The following XYLB variants were observed in gnomAD, a reference collection of about 807,000 sequenced individuals.
XYLB encodes the protein xylulose kinase.
Under a neutral mutation model 78.7 loss-of-function variants are expected in XYLB, and 62 were observed. The ratio of observed to expected loss-of-function variants is 0.79; its 90% CI spans 0.64 to 0.97. XYLB has a LOEUF of 0.97. XYLB is among the 50% of genes least tolerant of loss of function. The pLI is 0.00. For missense variants in XYLB, 687 were observed against 676.8 expected (o/e 1.02, Z -0.17); for synonymous variants, 245 against 247.4 (o/e 0.99, Z 0.09).
the XYLB span, among the ~76,000 whole-genome samples, chr3:38,443,775 T>A: frequency 6.6e-6 from 1 of 152,244 alleles, no homozygotes; most frequent in Non-Finnish European, 1.5e-5. Context: ...GAGTGTATTT[T>A]CTTAAGGCCT....
the XYLB span, among the ~76,000 whole-genome samples, chr3:38,448,550 T>C: frequency 6.6e-6 from 1 of 152,240 alleles, no homozygotes; most frequent in Admixed American, 6.5e-5. Flanking sequence ...CTGCTTCTTT[T>C]GGGTCACATT....
the XYLB span, among the ~76,000 whole-genome samples, chr3:38,437,005 A>AAAGAAT: frequency 4.5e-5 from 6 of 134,806 alleles, no homozygotes; most frequent in East Asian, 4.2e-4. Context: ...CTCCTTCTAA[A>AAAGAAT]AATAATAATA....
At chr3:38,368,473 T>C (rs1046871356) in intron 8 of XYLB, among the ~76,000 whole-genome samples, 5 of 152,210 alleles carry the variant, frequency 3.3e-5, no homozygotes, top group African/African-American at 9.7e-5. Context: ...TCACCTAGTG[T>C]CTGAGAGTCA....
intron 18 of XYLB, among the ~76,000 whole-genome samples, chr3:38,406,519 G>T (rs1388387763): frequency 6.6e-6 from 1 of 152,220 alleles, no homozygotes. Context: ...ACCAGCAACG[G>T]AACAAAGCTG....
intron 18 of XYLB, among the ~76,000 whole-genome samples, chr3:38,406,518 G>T (rs952654290): frequency 6.6e-6 from 1 of 152,190 alleles, no homozygotes; most frequent in Non-Finnish European, 1.5e-5. Flanking sequence ...CACCAGCAAC[G>T]GAACAAAGCT....
At chr3:38,420,596 CTTAG>C (rs1436902656) in exon 18 of XYLB, among the ~76,000 whole-genome samples, 1 of 152,172 alleles carries the variant, frequency 6.6e-6, no homozygotes, top group Non-Finnish European at 1.5e-5. Context: ...GTGAAACCAT[CTTAG>C]TTAGATGTTT....
intron 18 of XYLB, among the ~76,000 whole-genome samples, chr3:38,410,515 G>A (rs889140440): frequency 3.4e-4 from 52 of 152,136 alleles, no homozygotes; most frequent in East Asian, 3.9e-4. Context: ...AATGGCAACA[G>A]AAGCCAAAAT....
intron 2 of XYLB, among the ~76,000 whole-genome samples, chr3:38,351,200 G>T (rs1484261051): frequency 1.2e-5 from 1 of 82,834 alleles, no homozygotes; most frequent in Admixed American, 1.4e-4. Flanking sequence ...AAAAAAAAAA[G>T]GAAGTCTGGA....
At chr3:38,374,870 A>G (rs929318446) in intron 11 of XYLB, among the ~76,000 whole-genome samples, 1 of 152,198 alleles carries the variant, frequency 6.6e-6, no homozygotes, top group Non-Finnish European at 1.5e-5. Context: ...TGGGAAAGTC[A>G]TATGGGGAAC....
rs567450759 is a variant in XYLB at position 38,406,054 on chromosome 3, G to A, written c.1533+5069G>A. Among the ~76,000 whole-genome samples, 7 of 152,342 alleles carry A rather than the reference G, an allele frequency of 4.6e-5. No homozygotes were observed. The East Asian group carries it at 1.4e-3, about 29-fold the overall frequency. ...GCAGTGGTTCTCCCAGCACACCTCTGGAGATCTGAGAATGGGCAGACTGCC... is the reference window on the plus strand; with the variant it reads ...GCAGTGGTTCTCCCAGCACACCTCTAGAGATCTGAGAATGGGCAGACTGCC... On this transcript the variant is annotated intron_variant, in intron 18 of 18. Coordinates refer to ENST00000207870, the MANE Select transcript of XYLB (RefSeq NM_005108.4).
chr3:38,429,246 G>GTCA, the XYLB span, among the ~76,000 whole-genome samples: 1 of 152,038 alleles, frequency 6.6e-6, no homozygotes, highest in African/African-American at 2.4e-5. Flanking sequence ...CCCTGCTTGT[G>GTCA]TCACCTTCCT....
At chr3:38,384,929 A>G (rs1707316626) in intron 15 of XYLB, among the ~76,000 whole-genome samples, 1 of 152,180 alleles carries the variant, frequency 6.6e-6, no homozygotes, top group African/African-American at 2.4e-5. Flanking sequence ...AATGACTGGC[A>G]TGAGGTCTGA....
chr3:38,347,467 C>T (rs1705131357), intron 1 of XYLB, among the ~76,000 whole-genome samples: 1 of 152,164 alleles, frequency 6.6e-6, no homozygotes, highest in Non-Finnish European at 1.5e-5. Flanking sequence ...CGCTTGAGCC[C>T]AGGAGTTCGA....
At chr3:38,380,614 T>G (rs906721423) in intron 15 of XYLB, among the ~76,000 whole-genome samples, 3 of 152,168 alleles carry the variant, frequency 2.0e-5, no homozygotes, top group Non-Finnish European at 4.4e-5. Context: ...GGGAAACCTC[T>G]TAGAAAACCT....
intron 15 of XYLB, among the ~76,000 whole-genome samples, chr3:38,382,957 G>T (rs1484329603): frequency 6.6e-6 from 1 of 152,204 alleles, no homozygotes; most frequent in Non-Finnish European, 1.5e-5. Flanking sequence ...CGCACGTGAG[G>T]ACTCATTCTC....
At position 38,413,814 on chromosome 3, in the gene XYLB, C is replaced by G. The variant is rs190355740; in HGVS notation, c.*801C>G. 4.6e-5 allele frequency: 7 copies of G among 152,276 alleles called. No individual in the cohort carries two copies. In the East Asian group the frequency reaches 1.4e-3, roughly 29 times the overall value. The allele number at this position is 152,276 out of a possible 1,614,324, so 9.4% of individuals were successfully genotyped here. On this transcript the variant is annotated 3_prime_UTR_variant, in exon 19 of 19. Coordinates refer to ENST00000207870, the MANE Select transcript of XYLB (RefSeq NM_005108.4). ...GTGGTGCAGTTTAGAACTTCTCTCCCTTTTTCTCCCTCATTCCCTCTCTCT... is the reference window on the plus strand; with the variant it reads ...GTGGTGCAGTTTAGAACTTCTCTCCGTTTTTCTCCCTCATTCCCTCTCTCT...
intron 15 of XYLB, among the ~76,000 whole-genome samples, chr3:38,393,404 C>G (rs1358979326): frequency 2.6e-5 from 4 of 152,216 alleles, no homozygotes; most frequent in African/African-American, 9.6e-5. Flanking sequence ...CCTTGGCCTC[C>G]CAAAGTGCTG....
intron 9 of XYLB, among the ~76,000 whole-genome samples, chr3:38,371,321 T>C (rs1415190583): frequency 6.6e-6 from 1 of 151,654 alleles, no homozygotes; most frequent in African/African-American, 2.4e-5. Context: ...TCACCCAGGC[T>C]GGAGTGCAGT....
downstream of XYLB, among the ~76,000 whole-genome samples, chr3:38,416,705 A>T (rs184362457): frequency 2.8e-3 from 423 of 152,354 alleles, no homozygotes; most frequent in Non-Finnish European, 4.3e-3. Context: ...GGTAGAATTC[A>T]GGAAAAAATA....
Sources: gnomAD v4.1 joint callset for allele counts (sites outside exome capture counted in the v4.1 genomes callset) on GRCh38, gnomAD v4.1.1 for gene constraint, MANE v1.5 for transcripts, NCBI Gene and HGNC (gene_info 2026-07-23, HGNC 2026-07-21) for gene names.